SATB2: variants seen among roughly 807,000 people sequenced by gnomAD.
SATB2 encodes the protein DNA-binding protein SATB2.
SATB2 carries 1 observed loss-of-function variant against 73.4 expected under a neutral mutation model. The observed-to-expected ratio is 0.01, with a 90% CI of 0.00 to 0.06. The LOEUF (loss-of-function observed/expected upper bound fraction) is 0.06, where lower values mean the gene tolerates loss of function less well. Among genes scored for constraint, SATB2 ranks in the 10% least tolerant of loss-of-function variants. The pLI is 1.00. For synonymous variants in SATB2, 397 were observed against 367.0 expected, an observed-to-expected ratio of 1.08 and a Z score of -0.93; for missense variants, 459 against 945.8, an observed-to-expected ratio of 0.49 and a Z score of 6.75.
At chr2:199,437,107 A>G (rs1691675644) in intron 2 of SATB2, among the ~76,000 whole-genome samples, 1 of 152,234 alleles carries the variant, frequency 6.6e-6, no homozygotes, top group Admixed American at 6.5e-5. Context: ...CTCTAGCCCT[A>G]TATCTTGAGC....
chr2:199,360,397 T>G (rs983731399), intron 6 of SATB2, among the ~76,000 whole-genome samples: 1 of 152,228 alleles, frequency 6.6e-6, no homozygotes, highest in South Asian at 2.1e-4. Context: ...TCCCCAGACA[T>G]GGTCTGTCCA....
At chr2:199,434,226 G>C (rs1691588229) in intron 2 of SATB2, among the ~76,000 whole-genome samples, 1 of 151,886 alleles carries the variant, frequency 6.6e-6, no homozygotes, top group South Asian at 2.1e-4. Flanking sequence ...ACAAAAGTTT[G>C]CCTATGTAAA....
At chr2:199,388,187 T>C (rs1038557170) in intron 3 of SATB2, among the ~76,000 whole-genome samples, 7 of 152,234 alleles carry the variant, frequency 4.6e-5, no homozygotes, top group African/African-American at 1.7e-4. Context: ...GTGTTTGTAT[T>C]AAGCATGAAG....
intron 3 of SATB2, among the ~76,000 whole-genome samples, chr2:199,426,837 CTTTATTTAGAGACATCTA>C (rs1048660786): frequency 9.2e-5 from 14 of 152,044 alleles, no homozygotes; most frequent in African/African-American, 2.4e-4. Flanking sequence ...GAGACAGAGT[CTTTATTTAGAGACATCTA>C]TTTATTTAGA....
At chr2:199,369,677 C>T (rs1015791068) in intron 5 of SATB2, among the ~76,000 whole-genome samples, 1 of 152,044 alleles carries the variant, frequency 6.6e-6, no homozygotes, top group Non-Finnish European at 1.5e-5. Flanking sequence ...AAAAAGTTAG[C>T]CCCAGACATA....
At chr2:199,342,522 T>A (rs1157208143) in intron 7 of SATB2, among the ~76,000 whole-genome samples, 1 of 151,844 alleles carries the variant, frequency 6.6e-6, no homozygotes, top group Non-Finnish European at 1.5e-5. Flanking sequence ...GACACAAGGC[T>A]CAGCCACACC....
chr2:199,348,131 T>C (rs1688708359), intron 7 of SATB2: 1 of 152,380 alleles, frequency 6.6e-6, no homozygotes, highest in Non-Finnish European at 1.5e-5. Flanking sequence ...ATAATTGGCA[T>C]ATAATTCTCT....
At chr2:199,306,462 T>C (rs142203408) in intron 10 of SATB2, among the ~76,000 whole-genome samples, 500 of 152,148 alleles carry the variant, frequency 3.3e-3, no homozygotes, top group African/African-American at 0.012. Flanking sequence ...GTAAACTCTT[T>C]AGCTAAGGTC....
At chr2:199,281,480 T>TATACACAC (rs1692493326) in intron 10 of SATB2, among the ~76,000 whole-genome samples, 2 of 15,106 alleles carry the variant, frequency 1.3e-4, no homozygotes, top group African/African-American at 1.8e-4. Flanking sequence ...ATATGAGATA[T>TATACACAC]ATACACACAC....
intron 6 of SATB2, among the ~76,000 whole-genome samples, chr2:199,361,652 C>T (rs1024924511): frequency 6.6e-6 from 1 of 151,990 alleles, no homozygotes; most frequent in African/African-American, 2.4e-5. Context: ...TCTCAAAATA[C>T]GTCAACTGGG....
intron 7 of SATB2, 92 bp downstream of exon 7, chr2:199,348,609 T>C (rs754095801): frequency 2.1e-5 from 21 of 1,000,392 alleles, no homozygotes; most frequent in East Asian, 1.5e-4. Context: ...CTGAGATCCA[T>C]AAAGCTTTTT....
chr2:199,408,678 A>G (rs904946821), intron 3 of SATB2, among the ~76,000 whole-genome samples: 6 of 24,252 alleles, frequency 2.5e-4, no homozygotes, highest in Non-Finnish European at 4.6e-4. Flanking sequence ...TGTTTAGTCC[A>G]CAAAAAAAAA....
rs74633166 is a variant in SATB2, at chr2:199,310,949, C to T, written c.1543-1992G>A. On this transcript the variant is annotated intron_variant, in intron 9 of 10. Transcript: ENST00000417098. ...TTCATTGCCGCATTTGATTTATATG[C>T]GCTGTTATAATCTGCACTCATTACA... Among the ~76,000 whole-genome samples the T allele has an allele frequency of 7.2e-5, 11 of 152,318 alleles. No homozygotes were observed. In the East Asian group the frequency reaches 1.4e-3, roughly 19 times the overall value.
rs141636664 is a variant in SATB2, at chr2:199,456,810, T to A, written c.-60+529A>T. ...ATCCCCAGTGCTTTTTTAAAGCTCT[T>A]CAATATAAAACACAAAAGCAAAAAG... On this transcript the variant is annotated intron_variant, in intron 1 of 10. Coordinates refer to ENST00000417098, the MANE Select transcript of SATB2 (RefSeq NM_001172509.2). Among the ~76,000 whole-genome samples the A allele has an allele frequency of 2.6e-3, 393 of 152,320 alleles. 4 individuals are homozygous for A. Among genetic ancestry groups the A allele is most frequent in the African/African-American group, 9.1e-3 (379 of 41,570 alleles).
chr2:199,460,863 GAGA>G (rs1692459677), upstream of SATB2, among the ~76,000 whole-genome samples: 1 of 152,196 alleles, frequency 6.6e-6, no homozygotes, highest in Non-Finnish European at 1.5e-5. This position sits in a 1 kb window ranked among gnomAD's most constrained non-coding sequence, Gnocchi z 4.0. Flanking sequence ...TTAAACCCCT[GAGA>G]AGGACTATTT....
At chr2:199,391,432 C>CAAAAAAAAAAAAAAAAAAAACAAAAAA (rs1690134290) in intron 3 of SATB2, among the ~76,000 whole-genome samples, 1 of 98,648 alleles carries the variant, frequency 1.0e-5, no homozygotes, top group Non-Finnish European at 2.0e-5. Context: ...GACTCCGTCT[C>CAAAAAAAAAAAAAAAAAAAACAAAAAA]AAAAAAAAAA....
At chr2:199,342,675 T>C (rs1688540542) in intron 7 of SATB2, among the ~76,000 whole-genome samples, 1 of 152,068 alleles carries the variant, frequency 6.6e-6, no homozygotes, top group South Asian at 2.1e-4. Flanking sequence ...ATGTTTCTGT[T>C]AGCAAACCAA....
At chr2:199,310,948 G>A (rs542098685) in intron 9 of SATB2, among the ~76,000 whole-genome samples, 1 of 152,278 alleles carries the variant, frequency 6.6e-6, no homozygotes, top group South Asian at 2.1e-4. Flanking sequence ...TGATTTATAT[G>A]CGCTGTTATA....
upstream of SATB2, chr2:199,469,731 G>A (rs1692667682): frequency 6.6e-6 from 1 of 152,336 alleles, no homozygotes. Context: ...TCTGCAACAA[G>A]CCAAGCTCCC....
Sources: gnomAD v4.1 joint callset for allele counts (sites outside exome capture counted in the v4.1 genomes callset) on GRCh38, gnomAD v4.1.1 for gene constraint, Gnocchi (gnomAD v3.1) non-coding constraint, MANE v1.5 for transcripts, NCBI Gene and HGNC (gene_info 2026-07-23, HGNC 2026-07-21) for gene names.